CCDC6: variants seen among roughly 807,000 people sequenced by gnomAD.
CCDC6 encodes coiled-coil domain containing 6.
CCDC6 carries 20 observed loss-of-function variants against 56.6 expected under a neutral mutation model. The observed-to-expected ratio is 0.35, with a 90% CI of 0.25 to 0.51. The LOEUF (loss-of-function observed/expected upper bound fraction) is 0.51, where lower values mean the gene tolerates loss of function less well. Among genes scored for constraint, CCDC6 ranks in the 20% least tolerant of loss-of-function variants. The probability of loss-of-function intolerance (pLI) is 0.95; values close to 1 mark genes in which losing one functional copy is unlikely to be tolerated. For missense variants in CCDC6, 367 were observed against 601.1 expected (o/e 0.61, Z 4.07); for synonymous variants, 241 against 234.4 (o/e 1.03, Z -0.26).
At chr10:59,888,724 T>A (rs1030778658) in intron 1 of CCDC6, among the ~76,000 whole-genome samples, 1 of 152,202 alleles carries the variant, frequency 6.6e-6, no homozygotes, top group Non-Finnish European at 1.5e-5. Flanking sequence ...AAAGTCCTTA[T>A]CAGAGAGGCA....
chr10:59,861,182 A>G (rs2071124860), intron 1 of CCDC6, among the ~76,000 whole-genome samples: 1 of 152,130 alleles, frequency 6.6e-6, no homozygotes, highest in Admixed American at 6.5e-5. Flanking sequence ...ATCTCAAAAA[A>G]TAATAAAAAT....
chr10:59,789,555 G>A lies in CCDC6; in HGVS notation c.*3362C>T. The A allele has an allele frequency of 4.3e-6, 1 of 232,934 alleles. No individual in the cohort carries two copies. Among genetic ancestry groups the A allele is most frequent in the Non-Finnish European group, 8.5e-6 (1 of 117,582 alleles). The allele number at this position is 232,934 out of a possible 1,614,324, so 14.4% of individuals were successfully genotyped here. A position where few individuals can be genotyped will look rare whatever the true frequency, so the allele number is the denominator to read the frequency against. On this transcript the variant is annotated 3_prime_UTR_variant, in exon 9 of 9. Coordinates refer to ENST00000263102, the MANE Select transcript of CCDC6 (RefSeq NM_005436.5). The stretch of plus-strand genomic sequence containing the variant: ...TCTTGAGCATGGAACTCATGTAGCA[G>A]CATCAATGGCTGGCTCTTTAACAAT...
At chr10:59,835,254 T>C (rs1057197549) in intron 2 of CCDC6, among the ~76,000 whole-genome samples, 4 of 152,196 alleles carry the variant, frequency 2.6e-5, no homozygotes, top group African/African-American at 4.8e-5. Flanking sequence ...TAATCTAACA[T>C]TGAAAAATCT....
chr10:59,832,723 A>G, intron 2 of CCDC6, 70 bp from the exon 3 acceptor site: 3 of 1,522,128 alleles, frequency 2.0e-6, no homozygotes, highest in Non-Finnish European at 2.7e-6. Context: ...TGGCTCCAAA[A>G]GGTGACTATA....
At chr10:59,836,614 A>G (rs543702115) in intron 2 of CCDC6, among the ~76,000 whole-genome samples, 1 of 152,384 alleles carries the variant, frequency 6.6e-6, no homozygotes, top group East Asian at 1.9e-4. Flanking sequence ...CCTTAAATAT[A>G]TATAAAGCTA....
At chr10:59,887,945 T>C (rs1053747223) in intron 1 of CCDC6, among the ~76,000 whole-genome samples, 2 of 152,144 alleles carry the variant, frequency 1.3e-5, no homozygotes, top group Non-Finnish European at 2.9e-5. Context: ...TTTAACAGCA[T>C]TTCACCTGAG....
At position 59,789,063 on chromosome 10, in the gene CCDC6, T is replaced by G; in HGVS notation, c.*3854A>C. On this transcript the variant is annotated 3_prime_UTR_variant, in exon 9 of 9. Coordinates refer to ENST00000263102, the MANE Select transcript of CCDC6 (RefSeq NM_005436.5). ...GACAGTCCACTTTCGCTTTCCAGGC[T>G]AAGTTCCAAATCAAGTCCAAAGAAG... 9.9e-6 allele frequency: 2 copies of G among 203,040 alleles called. No homozygotes were observed. The highest frequency in any genetic ancestry group is 1.9e-5 in the Non-Finnish European group (2 of 107,520). 12.6% of individuals were successfully genotyped at this position (203,040 alleles called of 1,614,324 possible).
At chr10:59,864,084 T>C (rs2071157267) in intron 1 of CCDC6, among the ~76,000 whole-genome samples, 1 of 152,172 alleles carries the variant, frequency 6.6e-6, no homozygotes, top group African/African-American at 2.4e-5. Flanking sequence ...TGGCCAGCTT[T>C]AAAAAACTCA....
In CCDC6 at chr10:59,859,840, A is replaced by C. The variant is rs539112944; in HGVS notation, c.304-7138T>G. On this transcript the variant is annotated intron_variant, in intron 1 of 8. Coordinates refer to ENST00000263102, the MANE Select transcript of CCDC6 (RefSeq NM_005436.5). Reference sequence around the variant, plus strand: ...ACCTCTTTGGGAGGCTGAGGCGGGCATATCATTTGAGGCCGGCATATCACT... The same window carrying C: ...ACCTCTTTGGGAGGCTGAGGCGGGCCTATCATTTGAGGCCGGCATATCACT... 5.5e-3 allele frequency among the ~76,000 whole-genome samples: 532 copies of C among 97,140 alleles called. 2 individuals carry two copies. The highest frequency in any genetic ancestry group is 0.034 in the African/African-American group (517 of 15,190). 63.7% of individuals were successfully genotyped at this position (97,140 alleles called of 152,430 possible). A position where few individuals can be genotyped will look rare whatever the true frequency, so the allele number is the denominator to read the frequency against.
intron 1 of CCDC6, among the ~76,000 whole-genome samples, chr10:59,870,470 C>G (rs889737600): frequency 1.6e-4 from 24 of 152,198 alleles, no homozygotes; most frequent in African/African-American, 5.8e-4. Flanking sequence ...AGCTCTAACT[C>G]TTCCATCCTG....
intron 1 of CCDC6, among the ~76,000 whole-genome samples, chr10:59,901,533 A>C (rs2071503873): frequency 6.6e-6 from 1 of 152,204 alleles, no homozygotes; most frequent in African/African-American, 2.4e-5. Context: ...TTATAACTTC[A>C]AAACACCTTG....
At chr10:59,847,697 A>G (rs2071004394) in intron 2 of CCDC6, among the ~76,000 whole-genome samples, 1 of 152,190 alleles carries the variant, frequency 6.6e-6, no homozygotes, top group Non-Finnish European at 1.5e-5. Context: ...TCTAGTTACA[A>G]AAGTATCATG....
chr10:59,825,952 T>G (rs190572885), intron 3 of CCDC6, among the ~76,000 whole-genome samples: 92 of 152,348 alleles, frequency 6.0e-4, no homozygotes, highest in African/African-American at 2.1e-3. Context: ...CCTCTGTGAT[T>G]TGCTGCAGCT....
chr10:59,855,238 A>C (rs2071072051), intron 1 of CCDC6, among the ~76,000 whole-genome samples: 2 of 152,296 alleles, frequency 1.3e-5, no homozygotes, highest in African/African-American at 4.8e-5. Context: ...AGGAGATTTC[A>C]CCGTAACATA....
chr10:59,871,448 T>G (rs1171165334), intron 1 of CCDC6, among the ~76,000 whole-genome samples: 4 of 143,774 alleles, frequency 2.8e-5, no homozygotes, highest in African/African-American at 1.1e-4. Flanking sequence ...AAGATTTCAC[T>G]GGCATCACCT....
At chr10:59,831,952 T>C (rs1002085985) in intron 3 of CCDC6, among the ~76,000 whole-genome samples, 5 of 152,242 alleles carry the variant, frequency 3.3e-5, no homozygotes, top group African/African-American at 1.2e-4. Context: ...TGTCCTGCTC[T>C]GTTTACAAAT....
At chr10:59,825,102 G>A (rs2070777247) in intron 3 of CCDC6, among the ~76,000 whole-genome samples, 1 of 152,260 alleles carries the variant, frequency 6.6e-6, no homozygotes, top group African/African-American at 2.4e-5. Context: ...ACCCAGTATG[G>A]TCACACTACC....
intron 2 of CCDC6, among the ~76,000 whole-genome samples, chr10:59,851,927 GAA>G (rs386361848): frequency 6.6e-6 from 1 of 151,542 alleles, no homozygotes; most frequent in Non-Finnish European, 1.5e-5. Flanking sequence ...TTGAAAGGGG[GAA>G]AAAAAAGGAG....
intron 1 of CCDC6, among the ~76,000 whole-genome samples, chr10:59,867,625 C>T (rs2132665984): frequency 6.6e-6 from 1 of 152,316 alleles, no homozygotes. Context: ...ACTATCATGG[C>T]TCACTGCAAC....
Sources: gnomAD v4.1 joint callset for allele counts (sites outside exome capture counted in the v4.1 genomes callset) on GRCh38, gnomAD v4.1.1 for gene constraint, MANE v1.5 for transcripts, NCBI Gene and HGNC (gene_info 2026-07-23, HGNC 2026-07-21) for gene names.